The following NUMB variants were observed in gnomAD, a reference collection of about 807,000 sequenced individuals.
NUMB encodes the protein NUMB endocytic adaptor protein.
Under a neutral mutation model 59.7 loss-of-function variants are expected in NUMB, and 29 were observed. The observed-to-expected ratio is 0.49, with a 90% CI of 0.36 to 0.66. NUMB has a LOEUF of 0.66. NUMB is among the 30% of genes least tolerant of loss of function. The pLI is 0.00. For synonymous variants in NUMB, 288 were observed against 288.2 expected, an observed-to-expected ratio of 1.00 and a Z score of 0.01; for missense variants, 723 against 822.0, an observed-to-expected ratio of 0.88 and a Z score of 1.47.
rs550516667 is a variant in NUMB, at chr14:73,386,474, G to C, written c.-100-19493C>G. 1.6e-3 allele frequency among the ~76,000 whole-genome samples: 244 copies of C among 152,010 alleles called. 1 individual carries two copies. Among genetic ancestry groups the C allele is most frequent in the African/African-American group, 5.6e-3 (232 of 41,444 alleles). ...TTCCAGATTTTTTTTTAACTTGTCAGCATTAAGTAGGTCAGTTTTCTGCTC... is the reference window on the plus strand; with the variant it reads ...TTCCAGATTTTTTTTTAACTTGTCACCATTAAGTAGGTCAGTTTTCTGCTC... On this transcript the variant is annotated intron_variant, in intron 2 of 12. Transcript: ENST00000555238.
chr14:73,454,055 A>G (rs554403278), intron 1 of NUMB, among the ~76,000 whole-genome samples: 208 of 150,700 alleles, frequency 1.4e-3, no homozygotes, highest in African/African-American at 4.8e-3. Context: ...TGAGGGAGGG[A>G]AAAAGTTGGG....
chr14:73,396,749 C>T (rs182279810), intron 2 of NUMB, among the ~76,000 whole-genome samples: 54 of 152,126 alleles, frequency 3.5e-4, no homozygotes, highest in Non-Finnish European at 5.6e-4. Context: ...ATCATCAGAC[C>T]AATCAGATAA....
chr14:73,442,673 A>G lies in NUMB; in HGVS notation c.-233+15820T>C, dbSNP rs926344156. Among the ~76,000 whole-genome samples, 5 of 152,346 alleles carry G rather than the reference A, an allele frequency of 3.3e-5. 1 individual carries two copies. Among genetic ancestry groups the G allele is most frequent in the East Asian group, 1.9e-4 (1 of 5,188 alleles). Reference sequence around the variant, plus strand: ...AGACAAAAAAATATATGTATATACTACATGATGCTATTTATATAAAATTCT... The same window carrying G: ...AGACAAAAAAATATATGTATATACTGCATGATGCTATTTATATAAAATTCT... On this transcript the variant is annotated intron_variant, in intron 1 of 12. Coordinates refer to ENST00000555238, the MANE Select transcript of NUMB (RefSeq NM_001005743.2).
intron 3 of NUMB, among the ~76,000 whole-genome samples, chr14:73,366,350 C>T (rs1402456159): frequency 1.3e-5 from 2 of 152,184 alleles, no homozygotes; most frequent in Middle Eastern, 3.4e-3. Context: ...TTTGTCATAC[C>T]CTACATTGCT....
At chr14:73,428,754 G>A (rs1020225116) in intron 1 of NUMB, among the ~76,000 whole-genome samples, 12 of 152,216 alleles carry the variant, frequency 7.9e-5, no homozygotes, top group Non-Finnish European at 1.3e-4. Flanking sequence ...CAAGGCTGCA[G>A]TGAGCTATGA....
At chr14:73,454,830 T>G (rs1032076907) in intron 1 of NUMB, among the ~76,000 whole-genome samples, 1 of 152,200 alleles carries the variant, frequency 6.6e-6, no homozygotes, top group African/African-American at 2.4e-5. Context: ...TGTTCTCAAT[T>G]ATGAAGAATG....
At position 73,437,512 on chromosome 14, in the gene NUMB, C is replaced by A. The variant is rs372768235; in HGVS notation, c.-233+20981G>T. On this transcript the variant is annotated intron_variant, in intron 1 of 12. Coordinates refer to ENST00000555238, the MANE Select transcript of NUMB (RefSeq NM_001005743.2). ...ATACTGTAATCAACAAACTGGCTTA[C>A]AGCTTGCAATTTTCTATTGATTATG... Among the ~76,000 whole-genome samples the A allele has an allele frequency of 8.5e-5, 13 of 152,228 alleles. No homozygotes were observed. The East Asian group carries it at 2.3e-3, about 27-fold the overall frequency.
chr14:73,319,632 A>G (rs989345776), intron 5 of NUMB, among the ~76,000 whole-genome samples: 4 of 152,208 alleles, frequency 2.6e-5, no homozygotes, highest in Non-Finnish European at 5.9e-5. Flanking sequence ...CTGGCAAAGT[A>G]GGTTGTAGAT....
intron 1 of NUMB, among the ~76,000 whole-genome samples, chr14:73,446,035 C>T (rs868356438): frequency 1.3e-4 from 19 of 147,402 alleles, no homozygotes; most frequent in East Asian, 1.2e-3. Flanking sequence ...CCTGCTCTGT[C>T]GCCCAGGCTC....
intron 6 of NUMB, among the ~76,000 whole-genome samples, chr14:73,302,715 A>G (rs1024328254): frequency 1.3e-5 from 2 of 151,872 alleles, no homozygotes; most frequent in African/African-American, 4.8e-5. Context: ...CCTGGCCAAT[A>G]CTTCCATATT....
At chr14:73,374,168 C>T (rs980320799) in intron 2 of NUMB, among the ~76,000 whole-genome samples, 1 of 152,150 alleles carries the variant, frequency 6.6e-6, no homozygotes, top group Non-Finnish European at 1.5e-5. Context: ...CCACGCCCAG[C>T]CGCTCAGCTA....
intron 2 of NUMB, among the ~76,000 whole-genome samples, chr14:73,399,975 G>T (rs1445213342): frequency 6.6e-6 from 1 of 151,700 alleles, no homozygotes; most frequent in Non-Finnish European, 1.5e-5. Flanking sequence ...GGAGATGGAG[G>T]TTGCAGTGAG....
chr14:73,339,545 A>AT (rs1483381374), intron 4 of NUMB, among the ~76,000 whole-genome samples: 3 of 151,906 alleles, frequency 2.0e-5, no homozygotes, highest in Non-Finnish European at 4.4e-5. Flanking sequence ...TAACCATCCC[A>AT]TTTTTTGTTT....
chr14:73,284,006 T>G, intron 10 of NUMB, 75 bp downstream of exon 10: 1 of 1,323,714 alleles, frequency 7.6e-7, no homozygotes, highest in Non-Finnish European at 1.1e-6. Context: ...TTTAATGGGA[T>G]TAGTGTCTTC....
chr14:73,286,387 C>G (rs1185708101), intron 9 of NUMB: 1 of 151,880 alleles, frequency 6.6e-6, no homozygotes, highest in African/African-American at 2.4e-5. Flanking sequence ...TTGTGCTTGT[C>G]TTGTTGGTTT....
chr14:73,373,705 C>CTTTCT (rs1299643869), intron 2 of NUMB, among the ~76,000 whole-genome samples: 3 of 127,732 alleles, frequency 2.3e-5, no homozygotes, highest in Non-Finnish European at 5.0e-5. Flanking sequence ...GGAAAGCTTC[C>CTTTCT]TTTTTTTTTT....
At chr14:73,345,862 C>G (rs1009875250) in intron 4 of NUMB, among the ~76,000 whole-genome samples, 1 of 151,748 alleles carries the variant, frequency 6.6e-6, no homozygotes, top group Non-Finnish European at 1.5e-5. Context: ...GAGCCGAGAT[C>G]GCACCAGTGT....
At chr14:73,458,008 GCT>G (rs1286249290) in intron 1 of NUMB, 2 of 86,012 alleles carry the variant, frequency 2.3e-5, no homozygotes, top group African/African-American at 9.2e-5. Flanking sequence ...CCCCCACCCC[GCT>G]CTCTCCTCAC....
chr14:73,323,089 G>C, intron 5 of NUMB, 41 bp downstream of exon 5: 1 of 1,441,850 alleles, frequency 6.9e-7, no homozygotes, highest in Non-Finnish European at 9.7e-7. Flanking sequence ...AGAAAATATT[G>C]ATAGCATATA....
Sources: allele counts gnomAD v4.1 joint callset (sites outside exome capture counted in the v4.1 genomes callset), GRCh38; gene constraint gnomAD v4.1.1; transcripts MANE v1.5; gene names NCBI Gene and HGNC (gene_info 2026-07-23, HGNC 2026-07-21).